MRC1: variants seen among roughly 807,000 people sequenced by gnomAD.
The protein encoded by MRC1 is macrophage mannose receptor 1.
MRC1 carries 62 observed loss-of-function variants against 102.9 expected under a neutral mutation model. The observed-to-expected ratio is 0.60, with a 90% CI of 0.49 to 0.74. MRC1 has a LOEUF of 0.74. Among genes scored for constraint, MRC1 ranks in the 30% least tolerant of loss-of-function variants. The probability of loss-of-function intolerance (pLI) is 0.00; values close to 1 mark genes in which losing one functional copy is unlikely to be tolerated. For synonymous variants in MRC1, 457 were observed against 298.4 expected (o/e 1.53, Z -5.48); for missense variants, 1,237 against 862.8 (o/e 1.43, Z -5.43).
At chr10:17,888,781 T>C (rs1833635433) in intron 22 of MRC1, among the ~76,000 whole-genome samples, 1 of 152,234 alleles carries the variant, frequency 6.6e-6, no homozygotes, top group Non-Finnish European at 1.5e-5. Context: ...TGAGATCTGG[T>C]TGATTGTTGG....
At chr10:17,892,236 C>G (rs1833689454) in intron 22 of MRC1, among the ~76,000 whole-genome samples, 1 of 152,140 alleles carries the variant, frequency 6.6e-6, no homozygotes, top group Non-Finnish European at 1.5e-5. Context: ...TCTGGTAGGA[C>G]TCATGGAAGG....
intron 22 of MRC1, among the ~76,000 whole-genome samples, chr10:17,891,875 G>A (rs1833682671): frequency 6.6e-6 from 1 of 152,158 alleles, no homozygotes; most frequent in Non-Finnish European, 1.5e-5. Context: ...CCAAGGATAT[G>A]GTGGTAAGAT....
chr10:17,842,722 A>G (rs1838770185), intron 5 of MRC1, among the ~76,000 whole-genome samples: 1 of 152,188 alleles, frequency 6.6e-6, no homozygotes, highest in Non-Finnish European at 1.5e-5. Context: ...TTAGGCAGTC[A>G]TTTAATTTAT....
rs1019155559 is a variant in MRC1, at chr10:17,910,374, C to G, written c.4280C>G (p.Thr1427Ser). The G allele has an allele frequency of 1.3e-6, 1 of 780,684 alleles. No individual in the cohort carries two copies. The highest frequency in any genetic ancestry group is 2.4e-6 in the Non-Finnish European group (1 of 417,936). 48.4% of individuals were successfully genotyped at this position (780,684 alleles called of 1,614,324 possible). A position where few individuals can be genotyped will look rare whatever the true frequency, so the allele number is the denominator to read the frequency against. ...CCTCAAGAGGGCGCCTTTGAAAACA[C>G]TCTGTATTTTAACAGTCAGTCAAGC... is the stretch of plus-strand genomic sequence containing the variant. ...HLPQEGAFEN[T>S]LYFNSQSSPG... The change falls in exon 30 of 30, where the codon ACT becomes AGT. Residue 1427 changes from threonine (T) to serine (S), a missense_variant. Physicochemically the swap from Thr to Ser is moderately conservative, Grantham distance 58 (BLOSUM62 1). Coordinates refer to ENST00000569591, the MANE Select transcript of MRC1 (RefSeq NM_002438.4).
intron 1 of MRC1, among the ~76,000 whole-genome samples, chr10:17,814,956 G>A (rs983219048): frequency 4.6e-5 from 7 of 152,016 alleles, no homozygotes; most frequent in South Asian, 2.1e-4. Flanking sequence ...GGGAGCCACC[G>A]TGCCTGGCCG....
At chr10:17,874,506 T>A (rs1833399635) in intron 16 of MRC1, among the ~76,000 whole-genome samples, 1 of 152,176 alleles carries the variant, frequency 6.6e-6, no homozygotes, top group African/African-American at 2.4e-5. Context: ...AAAGTCCCAT[T>A]TTCCATGTAA....
chr10:17,826,390 A>T (rs1838476231), intron 2 of MRC1, among the ~76,000 whole-genome samples: 1 of 152,120 alleles, frequency 6.6e-6, no homozygotes, highest in African/African-American at 2.4e-5. Flanking sequence ...TTTAGTGGAG[A>T]CAGGGTTTCA....
At chr10:17,862,129 G>C (rs909887360) in intron 10 of MRC1, among the ~76,000 whole-genome samples, 72 of 152,260 alleles carry the variant, frequency 4.7e-4, no homozygotes, top group African/African-American at 1.7e-3. Flanking sequence ...TTGCAGTAAA[G>C]AAGTAACAAA....
intron 7 of MRC1, among the ~76,000 whole-genome samples, chr10:17,852,700 A>G (rs914670359): frequency 6.6e-6 from 1 of 152,246 alleles, no homozygotes; most frequent in Admixed American, 6.5e-5. Context: ...GATACAATCT[A>G]CAATATTTCC....
chr10:17,892,110 G>C (rs1376148539), intron 22 of MRC1, among the ~76,000 whole-genome samples: 1 of 152,156 alleles, frequency 6.6e-6, no homozygotes, highest in Non-Finnish European at 1.5e-5. Context: ...TGTTGCTCTT[G>C]AGTGCTGGTC....
At chr10:17,816,316 A>C (rs1044730037) in intron 1 of MRC1, among the ~76,000 whole-genome samples, 4 of 152,190 alleles carry the variant, frequency 2.6e-5, no homozygotes, top group Non-Finnish European at 5.9e-5. Flanking sequence ...AGGGCAAGTT[A>C]GTTTATTTGG....
At chr10:17,832,781 G>A (rs1838597790) in intron 3 of MRC1, among the ~76,000 whole-genome samples, 1 of 151,586 alleles carries the variant, frequency 6.6e-6, no homozygotes, top group Non-Finnish European at 1.5e-5. Context: ...AATAGAGATG[G>A]GGTTTCACTG....
At chr10:17,903,478 C>A (rs1833857755) in intron 26 of MRC1, among the ~76,000 whole-genome samples, 2 of 146,110 alleles carry the variant, frequency 1.4e-5, no homozygotes, top group African/African-American at 5.0e-5. Flanking sequence ...TCACTGCAAC[C>A]TCTGCCTCCC....
intron 3 of MRC1, among the ~76,000 whole-genome samples, chr10:17,831,386 G>C (rs1554839038): frequency 1.3e-5 from 2 of 151,232 alleles, no homozygotes; most frequent in Non-Finnish European, 2.9e-5. Flanking sequence ...TTTTATATAA[G>C]CATATAATGA....
intron 9 of MRC1, among the ~76,000 whole-genome samples, chr10:17,856,963 T>C (rs1833102312): frequency 6.6e-6 from 1 of 152,090 alleles, no homozygotes; most frequent in East Asian, 1.9e-4. Flanking sequence ...AAACACAGGG[T>C]TTATGGTTAT....
At chr10:17,886,055 C>G (rs1833588853) in intron 22 of MRC1, among the ~76,000 whole-genome samples, 1 of 152,058 alleles carries the variant, frequency 6.6e-6, no homozygotes, top group Admixed American at 6.6e-5. Context: ...AGTGTGTACA[C>G]TTAAACTAGA....
chr10:17,827,679 G>A lies in MRC1; in HGVS notation c.601G>A (p.Asp201Asn), dbSNP rs909947285. 246 of 780,748 alleles carry A rather than the reference G, an allele frequency of 3.2e-4. 1 individual carries two copies. Among genetic ancestry groups the A allele is most frequent in the South Asian group, 7.9e-4 (59 of 74,612 alleles). The allele number at this position is 780,748 out of a possible 1,614,324, so 48.4% of individuals were successfully genotyped here. Residue 201 changes from aspartate (D) to asparagine (N), a missense_variant, in exon 3 of 30, where the codon GAC becomes AAC. By Grantham distance (23) the Asp-to-Asn change is conservative. Transcript: ENST00000569591. ...WLWCGTTTDY[D>N]TDKLFGYCPL... ...CTGGTGCGGAACCACTACTGACTATGACACAGACAAGCTATTTGGATATTG... is the reference window on the plus strand; with the variant it reads ...CTGGTGCGGAACCACTACTGACTATAACACAGACAAGCTATTTGGATATTG...
At chr10:17,864,808 G>A (rs1833238703) in intron 11 of MRC1, among the ~76,000 whole-genome samples, 1 of 118,888 alleles carries the variant, frequency 8.4e-6, no homozygotes, top group African/African-American at 3.6e-5. Flanking sequence ...CAGCCTGGGT[G>A]ACAAGAACAA....
intron 18 of MRC1, among the ~76,000 whole-genome samples, chr10:17,879,044 A>C (rs1312085729): frequency 6.6e-6 from 1 of 152,124 alleles, no homozygotes; most frequent in East Asian, 1.9e-4. Flanking sequence ...GAATGAGTCT[A>C]ATGAGAAATT....
Sources: allele counts gnomAD v4.1 joint callset (sites outside exome capture counted in the v4.1 genomes callset), GRCh38; gene constraint gnomAD v4.1.1; transcripts MANE v1.5; gene names NCBI Gene and HGNC (gene_info 2026-07-23, HGNC 2026-07-21).